Variants in PLCB1 observed in about 807,000 individuals in gnomAD.
The protein encoded by PLCB1 is phospholipase C beta 1.
Under a neutral mutation model 161.8 loss-of-function variants are expected in PLCB1, and 46 were observed. That is an observed-to-expected ratio of 0.28 (90% confidence interval 0.22 to 0.36). PLCB1 has a LOEUF of 0.36. Among genes scored for constraint, PLCB1 ranks in the 10% least tolerant of loss-of-function variants. The probability of loss-of-function intolerance (pLI) is 1.00; values close to 1 mark genes in which losing one functional copy is unlikely to be tolerated. For synonymous variants in PLCB1, 517 were observed against 503.7 expected, an observed-to-expected ratio of 1.03 and a Z score of -0.35; for missense variants, 1,016 against 1,472.5, an observed-to-expected ratio of 0.69 and a Z score of 5.07.
In PLCB1 at chr20:8,409,607, C is replaced by T. The variant is rs185770812; in HGVS notation, c.246+38157C>T. Among the ~76,000 whole-genome samples the T allele has an allele frequency of 2.6e-3, 389 of 151,972 alleles. 5 individuals are homozygous for T. The highest frequency in any genetic ancestry group is 9.0e-3 in the African/African-American group (374 of 41,468). Reference sequence around the variant, plus strand: ...CCTCCCAACTAACTGGGATTACAGGCGCCCACCACCACGCCTGGCTAATTT... The same window carrying T: ...CCTCCCAACTAACTGGGATTACAGGTGCCCACCACCACGCCTGGCTAATTT... On this transcript the variant is annotated intron_variant, in intron 3 of 31. Coordinates refer to ENST00000338037, the MANE Select transcript of PLCB1 (RefSeq NM_015192.4).
chr20:8,712,505 G>C (rs1206328481), intron 12 of PLCB1, among the ~76,000 whole-genome samples: 4 of 152,110 alleles, frequency 2.6e-5, no homozygotes, highest in Non-Finnish European at 2.9e-5. Context: ...CCCTGACTGA[G>C]AATTTCTAGA....
intron 1 of PLCB1, among the ~76,000 whole-genome samples, chr20:8,146,103 TTG>T (rs1284776680): frequency 1.3e-3 from 134 of 103,786 alleles, no homozygotes; most frequent in African/African-American, 7.1e-3. Context: ...TTTGTTTTTT[TTG>T]TTTTTTTTTT....
At chr20:8,492,115 C>T (rs772027488) in intron 3 of PLCB1, among the ~76,000 whole-genome samples, 1 of 151,818 alleles carries the variant, frequency 6.6e-6, no homozygotes, top group Non-Finnish European at 1.5e-5. Flanking sequence ...TGTTATTTGT[C>T]TTGGCCACAT....
At chr20:8,530,351 C>G (rs1354716433) in intron 3 of PLCB1, among the ~76,000 whole-genome samples, 1 of 152,070 alleles carries the variant, frequency 6.6e-6, no homozygotes, top group Non-Finnish European at 1.5e-5. Flanking sequence ...ACCATTTCTT[C>G]TTAAGTCTTA....
intron 2 of PLCB1, among the ~76,000 whole-genome samples, chr20:8,213,867 G>A (rs1978969602): frequency 6.6e-6 from 1 of 151,978 alleles, no homozygotes. Flanking sequence ...TTTGGAGGAA[G>A]TTCTCCCCAG....
chr20:8,732,207 A>T (rs1338260575), intron 18 of PLCB1: 1 of 152,104 alleles, frequency 6.6e-6, no homozygotes, highest in East Asian at 1.9e-4. Context: ...TAAAAAAGAA[A>T]TTTTTTGTAC....
intron 3 of PLCB1, among the ~76,000 whole-genome samples, chr20:8,589,884 G>T (rs1987098483): frequency 6.6e-6 from 1 of 151,956 alleles, no homozygotes; most frequent in African/African-American, 2.4e-5. Flanking sequence ...CTCCCAAAGG[G>T]CAGGGATTAC....
At chr20:8,843,704 A>G (rs542139145) in intron 31 of PLCB1, among the ~76,000 whole-genome samples, 1 of 152,314 alleles carries the variant, frequency 6.6e-6, no homozygotes, top group East Asian at 1.9e-4. Flanking sequence ...TAATGATTCA[A>G]AACAAATCTT....
intron 19 of PLCB1, among the ~76,000 whole-genome samples, chr20:8,735,086 C>T (rs577965303): frequency 6.6e-6 from 1 of 152,200 alleles, no homozygotes; most frequent in Non-Finnish European, 1.5e-5. Flanking sequence ...TCAGAAAAGG[C>T]TGTTTAATTC....
intron 9 of PLCB1, among the ~76,000 whole-genome samples, chr20:8,669,719 T>TGCTTTA (rs758840166): frequency 5.9e-5 from 9 of 152,196 alleles, no homozygotes; most frequent in Non-Finnish European, 1.3e-4. Flanking sequence ...TTCCATGCTG[T>TGCTTTA]GCTTTATGCT....
chr20:8,649,536 G>A, intron 7 of PLCB1, 87 bp downstream of exon 7: 5 of 902,408 alleles, frequency 5.5e-6, no homozygotes, highest in Non-Finnish European at 9.4e-6. Context: ...ACAGTTTTGA[G>A]AGGTAGGGCC....
At chr20:8,211,854 C>A (rs1978842252) in intron 2 of PLCB1, among the ~76,000 whole-genome samples, 1 of 151,974 alleles carries the variant, frequency 6.6e-6, no homozygotes, top group African/African-American at 2.4e-5. Flanking sequence ...ATAAATCTTT[C>A]CTGGGTTAAA....
intron 3 of PLCB1, among the ~76,000 whole-genome samples, chr20:8,475,222 C>T (rs549845515): frequency 1.3e-5 from 2 of 152,206 alleles, no homozygotes; most frequent in Admixed American, 1.3e-4. Flanking sequence ...ACACTTTATT[C>T]ATTTGTTCAA....
intron 2 of PLCB1, among the ~76,000 whole-genome samples, chr20:8,160,188 A>C (rs906371664): frequency 6.6e-6 from 1 of 151,996 alleles, no homozygotes; most frequent in African/African-American, 2.4e-5. Context: ...CTCAGCCTGG[A>C]CCTTATTGTT....
chr20:8,529,306 G>T (rs1600130662), intron 3 of PLCB1, among the ~76,000 whole-genome samples: 2 of 152,006 alleles, frequency 1.3e-5, no homozygotes, highest in Non-Finnish European at 2.9e-5. Flanking sequence ...ATACCTAGGA[G>T]AAAAAGGCAA....
At chr20:8,192,947 G>A (rs1452176281) in intron 2 of PLCB1, among the ~76,000 whole-genome samples, 1 of 151,914 alleles carries the variant, frequency 6.6e-6, no homozygotes, top group Non-Finnish European at 1.5e-5. Context: ...TGTACATAAT[G>A]AGTGGATACC....
At chr20:8,468,598 TG>T (rs1981918086) in intron 3 of PLCB1, among the ~76,000 whole-genome samples, 2 of 152,164 alleles carry the variant, frequency 1.3e-5, no homozygotes, top group African/African-American at 4.8e-5. Flanking sequence ...AATATCGTCC[TG>T]ATTCAAAACA....
intron 3 of PLCB1, among the ~76,000 whole-genome samples, chr20:8,394,659 A>T (rs914632555): frequency 6.6e-6 from 1 of 152,138 alleles, no homozygotes; most frequent in Non-Finnish European, 1.5e-5. Flanking sequence ...ATAATAGGGG[A>T]TCTGTAAGTT....
intron 31 of PLCB1, among the ~76,000 whole-genome samples, chr20:8,827,483 A>G (rs1985761534): frequency 6.6e-6 from 1 of 152,224 alleles, no homozygotes; most frequent in Admixed American, 6.5e-5. Context: ...ATGGAGCTGT[A>G]CTGTCCAAGG....
Sources: allele counts gnomAD v4.1 joint callset (sites outside exome capture counted in the v4.1 genomes callset), GRCh38; gene constraint gnomAD v4.1.1; transcripts MANE v1.5; gene names NCBI Gene and HGNC (gene_info 2026-07-23, HGNC 2026-07-21).